PCDH15: variants seen among roughly 807,000 people sequenced by gnomAD.
The protein encoded by PCDH15 is protocadherin related 15.
A neutral mutation model predicts 178.5 loss-of-function variants in PCDH15; 129 were observed. The ratio of observed to expected loss-of-function variants is 0.72; its 90% confidence interval spans 0.63 to 0.84. The LOEUF is 0.84. Ranked by LOEUF, PCDH15 falls within the 40% of genes least tolerant of loss-of-function variation. The pLI is 0.00. For synonymous variants in PCDH15, 800 were observed against 732.0 expected, an observed-to-expected ratio of 1.09 and a Z score of -1.50; for missense variants, 2,230 against 2,099.9, an observed-to-expected ratio of 1.06 and a Z score of -1.21.
chr10:54,821,979 C>G (rs1953049462), intron 3 of PCDH15, among the ~76,000 whole-genome samples: 1 of 152,064 alleles, frequency 6.6e-6, no homozygotes, highest in African/African-American at 2.4e-5. Flanking sequence ...GCACTGTTAA[C>G]TTAAGCAAGT....
At chr10:54,743,532 C>T (rs190063265) in intron 1 of PCDH15, among the ~76,000 whole-genome samples, 1 of 152,048 alleles carries the variant, frequency 6.6e-6, no homozygotes, top group Admixed American at 6.6e-5. Flanking sequence ...AAGATGCAAA[C>T]AGGAGTATTT....
At chr10:55,178,824 C>T (rs1839563115) in intron 1 of PCDH15, among the ~76,000 whole-genome samples, 1 of 152,054 alleles carries the variant, frequency 6.6e-6, no homozygotes, top group South Asian at 2.1e-4. Flanking sequence ...GTGTCTTTGC[C>T]AAGGACCCCT....
At chr10:54,197,658 T>A (rs1218764344) in intron 10 of PCDH15, among the ~76,000 whole-genome samples, 1 of 152,126 alleles carries the variant, frequency 6.6e-6, no homozygotes, top group Non-Finnish European at 1.5e-5. Flanking sequence ...AAATTTGGTC[T>A]CCAGAAGACA....
intron 3 of PCDH15, among the ~76,000 whole-genome samples, chr10:54,879,370 G>A (rs7073846): frequency 0.96 from 145,643 of 152,188 alleles, 69,799 homozygotes; most frequent in East Asian, 0.99. Flanking sequence ...TTTTACAAAA[G>A]TTTCTGGTAA....
At chr10:55,004,205 G>A (rs1045248639) in intron 2 of PCDH15, among the ~76,000 whole-genome samples, 19 of 152,054 alleles carry the variant, frequency 1.2e-4, no homozygotes, top group Non-Finnish European at 2.2e-4. Context: ...TATATTAACC[G>A]TTGATTCCTG....
intron 2 of PCDH15, among the ~76,000 whole-genome samples, chr10:55,064,351 C>A (rs1467421477): frequency 2.0e-5 from 3 of 152,114 alleles, no homozygotes; most frequent in African/African-American, 7.2e-5. Context: ...ATCTGACATC[C>A]TGTAGATAAA....
At chr10:54,619,534 T>A (rs1157545547) in intron 2 of PCDH15, among the ~76,000 whole-genome samples, 1 of 151,974 alleles carries the variant, frequency 6.6e-6, no homozygotes, top group Admixed American at 6.6e-5. Flanking sequence ...TTGTAACAGA[T>A]TGTTCATGTT....
chr10:54,582,573 C>T (rs1467231692), intron 2 of PCDH15, among the ~76,000 whole-genome samples: 1 of 151,900 alleles, frequency 6.6e-6, no homozygotes, highest in Non-Finnish European at 1.5e-5. Context: ...TTAAACAATA[C>T]AATATGAAAT....
At chr10:54,733,488 A>G (rs927470788) in intron 1 of PCDH15, among the ~76,000 whole-genome samples, 3 of 151,572 alleles carry the variant, frequency 2.0e-5, no homozygotes, top group African/African-American at 4.8e-5. Flanking sequence ...ATGGGTATAC[A>G]TATTCTGTGT....
intron 2 of PCDH15, among the ~76,000 whole-genome samples, chr10:55,492,552 T>C (rs1424150161): frequency 6.6e-6 from 1 of 151,620 alleles, no homozygotes; most frequent in Non-Finnish European, 1.5e-5. Context: ...AGTAAACAAA[T>C]AGTCAAGCAG....
At chr10:55,370,435 T>C (rs964762303) in intron 2 of PCDH15, among the ~76,000 whole-genome samples, 2 of 152,106 alleles carry the variant, frequency 1.3e-5, no homozygotes, top group Non-Finnish European at 2.9e-5. Flanking sequence ...GCATTTCTTT[T>C]TGACAGCCAA....
At chr10:55,527,569 A>G (rs1443221545) in intron 2 of PCDH15, among the ~76,000 whole-genome samples, 2 of 152,080 alleles carry the variant, frequency 1.3e-5, no homozygotes, top group Non-Finnish European at 2.9e-5. Flanking sequence ...GGACTTCAAT[A>G]TATAATATTG....
intron 13 of PCDH15, among the ~76,000 whole-genome samples, chr10:54,159,415 A>G (rs1373127853): frequency 6.6e-6 from 1 of 152,190 alleles, no homozygotes; most frequent in Admixed American, 6.5e-5. Flanking sequence ...CCCATACAGA[A>G]GAAGACATGT....
At chr10:54,529,006 A>G (rs2132687976) in intron 2 of PCDH15, among the ~76,000 whole-genome samples, 1 of 152,158 alleles carries the variant, frequency 6.6e-6, no homozygotes, top group Non-Finnish European at 1.5e-5. Context: ...ACACTCCTGT[A>G]CAGCAGTGCA....
intron 2 of PCDH15, among the ~76,000 whole-genome samples, chr10:55,368,114 G>T (rs1351948397): frequency 1.3e-5 from 2 of 151,966 alleles, no homozygotes; most frequent in African/African-American, 4.8e-5. Context: ...ATACCTTAGG[G>T]ATTAAATCTT....
chr10:54,520,542 A>G lies in PCDH15; in HGVS notation c.157+7270T>C, dbSNP rs961945632. On this transcript the variant is annotated intron_variant, in intron 3 of 37. Coordinates refer to ENST00000644397, the MANE Select transcript of PCDH15 (RefSeq NM_001384140.1). ...CCATCTCACACCAGTTAGAATAGCAATCATTAAAAAGTCAGGAAACAACAG... is the reference window on the plus strand; with the variant it reads ...CCATCTCACACCAGTTAGAATAGCAGTCATTAAAAAGTCAGGAAACAACAG... Among the ~76,000 whole-genome samples, 5 of 152,286 alleles carry G rather than the reference A, an allele frequency of 3.3e-5. 1 individual carries two copies. Among genetic ancestry groups the G allele is most frequent in the Admixed American group, 3.3e-4 (5 of 15,298 alleles).
intron 21 of PCDH15, among the ~76,000 whole-genome samples, chr10:53,974,706 G>A (rs2090044962): frequency 6.6e-6 from 1 of 151,958 alleles, no homozygotes; most frequent in Non-Finnish European, 1.5e-5. Context: ...CTATTTAGCT[G>A]ATTCGTTTAC....
chr10:54,083,888 A>G (rs1402358244), intron 16 of PCDH15, among the ~76,000 whole-genome samples: 2 of 152,126 alleles, frequency 1.3e-5, no homozygotes, highest in Non-Finnish European at 2.9e-5. Context: ...CAATTATTAT[A>G]GAAAATAGGG....
intron 2 of PCDH15, among the ~76,000 whole-genome samples, chr10:55,421,891 T>C (rs1838630134): frequency 6.6e-6 from 1 of 151,744 alleles, no homozygotes; most frequent in South Asian, 2.1e-4. Flanking sequence ...ATATGCACAG[T>C]TGACAACAAG....
Sources: allele counts gnomAD v4.1 joint callset (sites outside exome capture counted in the v4.1 genomes callset), GRCh38; gene constraint gnomAD v4.1.1; transcripts MANE v1.5; gene names NCBI Gene and HGNC (gene_info 2026-07-23, HGNC 2026-07-21).